Variants in FGD4 observed in about 807,000 individuals in gnomAD.
The protein encoded by FGD4 is FYVE, RhoGEF and PH domain containing 4, also known as FYVE, RhoGEF and PH domain-containing protein 4.
A neutral mutation model predicts 102.0 loss-of-function variants in FGD4; 42 were observed. That is an observed-to-expected ratio of 0.41 (90% CI 0.32 to 0.53). The LOEUF (loss-of-function observed/expected upper bound fraction) is 0.53. Among genes scored for constraint, FGD4 ranks in the 20% least tolerant of loss-of-function variants. The pLI is 0.21. For synonymous variants in FGD4, 380 were observed against 375.7 expected (o/e 1.01, Z -0.13); for missense variants, 902 against 1,078.2 (o/e 0.84, Z 2.29).
chr12:32,541,376 T>C (rs1362213822), intron 1 of FGD4, among the ~76,000 whole-genome samples: 1 of 152,182 alleles, frequency 6.6e-6, no homozygotes, highest in Non-Finnish European at 1.5e-5. Flanking sequence ...TTTATAGTAA[T>C]GTTTTTTTTG....
chr12:32,427,832 C>G (rs1281894315), intron 1 of FGD4, among the ~76,000 whole-genome samples: 2 of 152,140 alleles, frequency 1.3e-5, no homozygotes, highest in African/African-American at 2.4e-5. Context: ...TTCTTTGTCT[C>G]TCTTGATCTT....
chr12:32,410,271 T>C (rs1306408341), intron 1 of FGD4, among the ~76,000 whole-genome samples: 1 of 151,128 alleles, frequency 6.6e-6, no homozygotes, highest in African/African-American at 2.4e-5. Flanking sequence ...GAGCTTGCAG[T>C]GAGCCGAGAT....
At chr12:32,450,614 G>A (rs1044967802) in intron 1 of FGD4, among the ~76,000 whole-genome samples, 2 of 152,110 alleles carry the variant, frequency 1.3e-5, no homozygotes, top group Non-Finnish European at 2.9e-5. Context: ...GTGGAAAAGG[G>A]TGTATACAAA....
At chr12:32,414,671 A>G (rs954468227) in intron 1 of FGD4, among the ~76,000 whole-genome samples, 4 of 152,190 alleles carry the variant, frequency 2.6e-5, no homozygotes, top group African/African-American at 7.2e-5. Flanking sequence ...AAGTGAGAAC[A>G]TGCAAAGTTT....
chr12:32,408,558 C>T (rs568074716), intron 1 of FGD4, among the ~76,000 whole-genome samples: 30 of 152,278 alleles, frequency 2.0e-4, no homozygotes, highest in African/African-American at 7.2e-4. Context: ...CTGCCTCGAC[C>T]TCACCATCCT....
chr12:32,545,639 G>A (rs1480420654), intron 1 of FGD4, among the ~76,000 whole-genome samples: 3 of 152,214 alleles, frequency 2.0e-5, no homozygotes, highest in Admixed American at 6.5e-5. Context: ...CCCTGATTGA[G>A]GATTGTTTTA....
chr12:32,608,203 G>A (rs1948910963), intron 8 of FGD4, 108 bp downstream of exon 8: 1 of 1,424,172 alleles, frequency 7.0e-7, no homozygotes, highest in East Asian at 2.3e-5. Context: ...GTCAAATGTT[G>A]CTGTTAGAAG....
At chr12:32,618,066 G>C (rs1025674763) in intron 10 of FGD4, among the ~76,000 whole-genome samples, 1 of 152,206 alleles carries the variant, frequency 6.6e-6, no homozygotes, top group African/African-American at 2.4e-5. Flanking sequence ...ACATTTATAA[G>C]ATAATCTGTC....
At position 32,551,047 on chromosome 12, in the gene FGD4, T is replaced by G. The variant is rs539940573; in HGVS notation, c.167-13090T>G. On this transcript the variant is annotated intron_variant, in intron 1 of 16. Transcript: ENST00000534526. ...TAAATAATTCATTATTATATTAGTTTGCAAGAGTCATGATTTTGCCAGAAT... is the reference window on the plus strand; with the variant it reads ...TAAATAATTCATTATTATATTAGTTGGCAAGAGTCATGATTTTGCCAGAAT... 3.0e-4 allele frequency among the ~76,000 whole-genome samples: 45 copies of G among 152,346 alleles called. 1 individual carries two copies. The highest frequency in any genetic ancestry group is 6.2e-4 in the South Asian group (3 of 4,830).
chr12:32,477,638 A>AT (rs975344571), intron 1 of FGD4, among the ~76,000 whole-genome samples: 8 of 152,040 alleles, frequency 5.3e-5, no homozygotes, highest in African/African-American at 7.2e-5. Context: ...TGAACGGTGT[A>AT]TTTTTTTTAA....
At chr12:32,561,065 G>C (rs1297354402) in intron 1 of FGD4, among the ~76,000 whole-genome samples, 1 of 81,710 alleles carries the variant, frequency 1.2e-5, no homozygotes, top group East Asian at 3.3e-4. Context: ...TGGTTTCTTT[G>C]TTGGGTTTTG....
intron 7 of FGD4, 93 bp downstream of exon 7, chr12:32,602,410 C>T: frequency 6.8e-7 from 1 of 1,476,862 alleles, no homozygotes. Context: ...AGAGATCTGT[C>T]TGAGATACCT....
chr12:32,405,145 G>A (rs1174074243), intron 1 of FGD4, among the ~76,000 whole-genome samples: 1 of 151,920 alleles, frequency 6.6e-6, no homozygotes, highest in Non-Finnish European at 1.5e-5. Flanking sequence ...GTGTTAGCCA[G>A]GATGGTCTCG....
intron 14 of FGD4, among the ~76,000 whole-genome samples, chr12:32,630,481 A>G (rs1010631690): frequency 2.4e-4 from 36 of 152,156 alleles, no homozygotes; most frequent in Non-Finnish European, 4.4e-4. Context: ...GGAATTTGAG[A>G]CAAGCCTGGG....
At chr12:32,625,197 C>T (rs1950073286) in intron 13 of FGD4, 129 bp downstream of exon 13, 4 of 685,938 alleles carry the variant, frequency 5.8e-6, no homozygotes, top group African/African-American at 3.6e-5. Context: ...GACAGAATCT[C>T]ATTCTTTCTT....
At chr12:32,525,606 G>A (rs924578525) in intron 1 of FGD4, among the ~76,000 whole-genome samples, 38 of 152,254 alleles carry the variant, frequency 2.5e-4, no homozygotes, top group African/African-American at 8.2e-4. Flanking sequence ...CCACTGCACT[G>A]TGGGAGCCCC....
intron 4 of FGD4, among the ~76,000 whole-genome samples, chr12:32,585,129 C>A (rs1318732519): frequency 1.3e-5 from 2 of 150,732 alleles, no homozygotes; most frequent in South Asian, 2.1e-4. Context: ...GTGGGAAGAT[C>A]GCTTGAGCCT....
chr12:32,628,109 G>A (rs1245218512), intron 14 of FGD4, among the ~76,000 whole-genome samples: 7 of 152,188 alleles, frequency 4.6e-5, no homozygotes, highest in Non-Finnish European at 1.0e-4. Flanking sequence ...ACATAAGGCG[G>A]TAGAGTTGGG....
chr12:32,595,650 T>C (rs769171096), intron 4 of FGD4, among the ~76,000 whole-genome samples: 2 of 152,196 alleles, frequency 1.3e-5, no homozygotes, highest in Non-Finnish European at 2.9e-5. Context: ...ACTGACTGTA[T>C]AGTAGTAATA....
Sources: allele counts gnomAD v4.1 joint callset (sites outside exome capture counted in the v4.1 genomes callset), GRCh38; gene constraint gnomAD v4.1.1; transcripts MANE v1.5; gene names NCBI Gene and HGNC (gene_info 2026-07-23, HGNC 2026-07-21).